Variants in CMTM8 observed in about 807,000 individuals in gnomAD.
The protein encoded by CMTM8 is CKLF-like MARVEL transmembrane domain-containing protein 8.
A neutral mutation model predicts 18.6 loss-of-function variants in CMTM8; 12 were observed. That is an observed-to-expected ratio of 0.65 (90% CI 0.41 to 1.05). The LOEUF (loss-of-function observed/expected upper bound fraction) is 1.05. CMTM8 is among the 50% of genes least tolerant of loss of function. The pLI is 0.00. For synonymous variants in CMTM8, 87 were observed against 90.6 expected (o/e 0.96, Z 0.23); for missense variants, 217 against 227.2 (o/e 0.95, Z 0.29).
intron 1 of CMTM8, among the ~76,000 whole-genome samples, chr3:32,323,457 G>T (rs1199328451): frequency 6.6e-6 from 1 of 152,190 alleles, no homozygotes; most frequent in Non-Finnish European, 1.5e-5. Context: ...GGCATGGCCA[G>T]ATTTTGGCTC....
chr3:32,313,936 G>A (rs1464212101), intron 1 of CMTM8, among the ~76,000 whole-genome samples: 1 of 152,150 alleles, frequency 6.6e-6, no homozygotes, highest in Non-Finnish European at 1.5e-5. Flanking sequence ...TGAGGCTACA[G>A]TGAGCCATGA....
intron 1 of CMTM8, among the ~76,000 whole-genome samples, chr3:32,312,140 A>G (rs1350472174): frequency 6.6e-6 from 1 of 152,108 alleles, no homozygotes. Flanking sequence ...ATTTATAGCT[A>G]TTTGTGGCGT....
intron 1 of CMTM8, among the ~76,000 whole-genome samples, chr3:32,260,680 T>C (rs547786240): frequency 2.2e-3 from 290 of 133,322 alleles, no homozygotes; most frequent in Non-Finnish European, 1.1e-3. Context: ...TTTTTTTTTT[T>C]CCCCCTGTTT....
chr3:32,270,470 C>A (rs1470923021), intron 1 of CMTM8, among the ~76,000 whole-genome samples: 2 of 152,146 alleles, frequency 1.3e-5, no homozygotes, highest in Admixed American at 6.6e-5. Context: ...GGAACCAACC[C>A]AAATGTCCAA....
At chr3:32,280,428 G>T (rs1225786983) in intron 1 of CMTM8, among the ~76,000 whole-genome samples, 2 of 151,914 alleles carry the variant, frequency 1.3e-5, no homozygotes, top group South Asian at 2.1e-4. Context: ...TTGCATAGGG[G>T]TATAACTTTG....
rs551615440 is a variant in CMTM8 at position 32,263,452 on chromosome 3, G to A, written c.147+24333G>A. On this transcript the variant is annotated intron_variant, in intron 1 of 3. Transcript: ENST00000307526. ...ATCCACACCAAAACCCCATCTGTAC[G>A]TCACCATCATCAAAGACCAAAGGTA... Among the ~76,000 whole-genome samples the A allele has an allele frequency of 2.1e-4, 32 of 152,232 alleles. No individual in the cohort carries two copies. In the South Asian group the frequency reaches 5.6e-3, roughly 27 times the overall value.
intron 1 of CMTM8, among the ~76,000 whole-genome samples, chr3:32,290,968 G>A (rs1702769745): frequency 1.3e-5 from 2 of 152,094 alleles, no homozygotes; most frequent in South Asian, 2.1e-4. Context: ...GGCTGGTCTT[G>A]AACTCTGAAT....
At chr3:32,345,801 G>A (rs989583741) in intron 1 of CMTM8, among the ~76,000 whole-genome samples, 3 of 152,326 alleles carry the variant, frequency 2.0e-5, no homozygotes, top group South Asian at 2.1e-4. Flanking sequence ...AAAAGAAACA[G>A]GTGATATAAA....
chr3:32,362,660 G>T (rs765454707), intron 2 of CMTM8, among the ~76,000 whole-genome samples: 3 of 152,202 alleles, frequency 2.0e-5, no homozygotes, highest in Admixed American at 6.5e-5. Context: ...CAGCCCAGAT[G>T]TTGGGTCTTG....
rs754489642 is a variant in CMTM8 at position 32,238,969 on chromosome 3, G to C, written c.-4G>C. On this transcript the variant is annotated 5_prime_UTR_variant, in exon 1 of 4. Transcript: ENST00000307526. The stretch of plus-strand genomic sequence containing the variant: ...GGACGCGCCAGCCCGGCAGTGGCTC[G>C]ACGATGGAGGAGCCGCAGCGCGCCC... 4.5e-6 allele frequency: 7 copies of C among 1,546,480 alleles called. No individual in the cohort carries two copies. In the African/African-American group the frequency reaches 5.5e-5, roughly 12 times the overall value.
At chr3:32,355,779 C>T (rs1696804373) in intron 1 of CMTM8, among the ~76,000 whole-genome samples, 1 of 152,230 alleles carries the variant, frequency 6.6e-6, no homozygotes, top group Non-Finnish European at 1.5e-5. Flanking sequence ...TCCTAACTTA[C>T]TACACATTCT....
intron 1 of CMTM8, among the ~76,000 whole-genome samples, chr3:32,304,624 A>T (rs17029181): frequency 6.6e-6 from 1 of 152,190 alleles, no homozygotes; most frequent in Non-Finnish European, 1.5e-5. Context: ...TGGAGTTAGT[A>T]GCCTGCAATG....
At chr3:32,345,299 C>T (rs1037130867) in intron 1 of CMTM8, among the ~76,000 whole-genome samples, 7 of 151,962 alleles carry the variant, frequency 4.6e-5, no homozygotes, top group Admixed American at 1.3e-4. Context: ...GAGGCTGCAA[C>T]GAGCAGTGAT....
chr3:32,366,310 A>G (rs1329301547), intron 2 of CMTM8, among the ~76,000 whole-genome samples: 1 of 152,184 alleles, frequency 6.6e-6, no homozygotes, highest in Non-Finnish European at 1.5e-5. Flanking sequence ...AAAATGGGCC[A>G]TACTTACTGA....
At chr3:32,343,539 T>C (rs1696539267) in intron 1 of CMTM8, among the ~76,000 whole-genome samples, 1 of 152,234 alleles carries the variant, frequency 6.6e-6, no homozygotes, top group Non-Finnish European at 1.5e-5. Context: ...TCCTCTGACC[T>C]TCCAGACTTG....
intron 2 of CMTM8, among the ~76,000 whole-genome samples, chr3:32,360,791 G>A (rs767568535): frequency 2.8e-4 from 43 of 152,168 alleles, no homozygotes; most frequent in Non-Finnish European, 5.6e-4. Context: ...AATACAGAAT[G>A]TTAGGCCCTA....
chr3:32,316,883 A>G (rs1045322758), intron 1 of CMTM8, among the ~76,000 whole-genome samples: 7 of 152,236 alleles, frequency 4.6e-5, no homozygotes, highest in Non-Finnish European at 1.0e-4. Context: ...CCAATATGGT[A>G]GATATCTTCC....
chr3:32,308,368 T>C lies in CMTM8; in HGVS notation c.148-49005T>C, dbSNP rs1284813822. The stretch of plus-strand genomic sequence containing the variant: ...TATAGAGAAAAACAATTATGTGAAG[T>C]CCCCCTCCATATGTCTGCATGGTTA... On this transcript the variant is annotated intron_variant, in intron 1 of 3. Transcript: ENST00000307526. Among the ~76,000 whole-genome samples the C allele has an allele frequency of 4.6e-5, 7 of 152,078 alleles. No homozygotes were observed. In the East Asian group the frequency reaches 1.2e-3, roughly 25 times the overall value.
At chr3:32,308,200 G>A (rs1224976748) in intron 1 of CMTM8, among the ~76,000 whole-genome samples, 1 of 152,148 alleles carries the variant, frequency 6.6e-6, no homozygotes, top group Non-Finnish European at 1.5e-5. Context: ...ACAGGGAGGC[G>A]GAGACATTCA....
Sources: allele counts gnomAD v4.1 joint callset (sites outside exome capture counted in the v4.1 genomes callset), GRCh38; gene constraint gnomAD v4.1.1; transcripts MANE v1.5; gene names NCBI Gene and HGNC (gene_info 2026-07-23, HGNC 2026-07-21).